Variants in PAX5 observed in about 807,000 individuals in gnomAD.
The protein encoded by PAX5 is paired box protein Pax-5.
A neutral mutation model predicts 43.7 loss-of-function variants in PAX5; 9 were observed. The observed-to-expected ratio is 0.21, with a 90% confidence interval of 0.12 to 0.36. The LOEUF is 0.36. PAX5 is among the 10% of genes least tolerant of loss of function. The pLI is 1.00. For synonymous variants in PAX5, 228 were observed against 214.3 expected (o/e 1.06, Z -0.56); for missense variants, 383 against 532.7 (o/e 0.72, Z 2.77).
At chr9:36,978,710 A>G (rs1835658455) in intron 5 of PAX5, among the ~76,000 whole-genome samples, 1 of 152,186 alleles carries the variant, frequency 6.6e-6, no homozygotes, top group Non-Finnish European at 1.5e-5. Flanking sequence ...CAAGATGGGT[A>G]TGGGTTTTGT....
At chr9:37,000,833 A>G (rs1480343080) in intron 5 of PAX5, among the ~76,000 whole-genome samples, 1 of 152,244 alleles carries the variant, frequency 6.6e-6, no homozygotes, top group Non-Finnish European at 1.5e-5. Context: ...CTTTAAGGCC[A>G]TGCAATGAGA....
At chr9:36,858,864 G>A (rs575628398) in intron 8 of PAX5, among the ~76,000 whole-genome samples, 4 of 152,180 alleles carry the variant, frequency 2.6e-5, no homozygotes, top group Admixed American at 6.5e-5. Flanking sequence ...TGGGCTCAGC[G>A]CTGAGGCCTG....
chr9:37,030,154 C>G (rs1197975542), intron 1 of PAX5, among the ~76,000 whole-genome samples: 2 of 152,214 alleles, frequency 1.3e-5, no homozygotes, highest in East Asian at 3.9e-4. Context: ...GTGGCACACA[C>G]AGGACCCGTC....
intron 3 of PAX5, among the ~76,000 whole-genome samples, chr9:37,014,359 C>T (rs1839213674): frequency 6.6e-6 from 1 of 152,168 alleles, no homozygotes; most frequent in African/African-American, 2.4e-5. Flanking sequence ...GAGAGGGCAA[C>T]TCCTTTGCTC....
chr9:37,009,701 A>T (rs1304285988), intron 3 of PAX5, among the ~76,000 whole-genome samples: 1 of 152,228 alleles, frequency 6.6e-6, no homozygotes, highest in East Asian at 1.9e-4. Flanking sequence ...TGTTTGTAAC[A>T]CAAAGAATAA....
chr9:36,999,939 C>T (rs1480663268), intron 5 of PAX5, among the ~76,000 whole-genome samples: 1 of 152,096 alleles, frequency 6.6e-6, no homozygotes, highest in Non-Finnish European at 1.5e-5. Flanking sequence ...GACTGCTCCG[C>T]CTCCAAAGCG....
chr9:36,862,881 A>T (rs1824359122), intron 8 of PAX5, among the ~76,000 whole-genome samples: 1 of 152,210 alleles, frequency 6.6e-6, no homozygotes, highest in South Asian at 2.1e-4. Context: ...TCTGAAGGTT[A>T]AAAAGGCCCA....
At chr9:36,979,049 C>T (rs1835690714) in intron 5 of PAX5, among the ~76,000 whole-genome samples, 1 of 152,220 alleles carries the variant, frequency 6.6e-6, no homozygotes, top group Non-Finnish European at 1.5e-5. Context: ...TCACTGTCCA[C>T]TGTCTCTGAT....
intron 1 of PAX5, among the ~76,000 whole-genome samples, chr9:37,030,439 C>T (rs1024096595): frequency 6.6e-6 from 1 of 152,198 alleles, no homozygotes; most frequent in Non-Finnish European, 1.5e-5. Context: ...TGTCTCTGAA[C>T]GCCCACGAGC....
chr9:36,926,047 A>G (rs745557813), intron 6 of PAX5, among the ~76,000 whole-genome samples: 1 of 152,198 alleles, frequency 6.6e-6, no homozygotes. Flanking sequence ...TAATCCTCAC[A>G]GTCACCCCTT....
At chr9:37,013,279 C>T (rs1839105602) in intron 3 of PAX5, among the ~76,000 whole-genome samples, 1 of 152,158 alleles carries the variant, frequency 6.6e-6, no homozygotes, top group South Asian at 2.1e-4. Flanking sequence ...TGCTGCCTAG[C>T]TTGCCAGGGA....
At chr9:36,925,418 C>T (rs1172566987) in intron 6 of PAX5, among the ~76,000 whole-genome samples, 1 of 152,058 alleles carries the variant, frequency 6.6e-6, no homozygotes, top group Non-Finnish European at 1.5e-5. Flanking sequence ...TACAGAGCTA[C>T]AGTAATTAAG....
chr9:36,874,168 C>T (rs551110772), intron 8 of PAX5, among the ~76,000 whole-genome samples: 3 of 152,328 alleles, frequency 2.0e-5, no homozygotes, highest in African/African-American at 7.2e-5. Context: ...CGTAACTACA[C>T]AACCATCGTT....
At chr9:36,994,696 G>A (rs909955302) in intron 5 of PAX5, among the ~76,000 whole-genome samples, 2 of 152,178 alleles carry the variant, frequency 1.3e-5, no homozygotes, top group South Asian at 2.1e-4. Context: ...ATGAGAACTC[G>A]GGCCCAGCAG....
intron 7 of PAX5, among the ~76,000 whole-genome samples, chr9:36,891,939 T>C (rs1331362331): frequency 6.6e-6 from 1 of 152,206 alleles, no homozygotes; most frequent in Non-Finnish European, 1.5e-5. Context: ...CCCACCTCCC[T>C]GGAATCTCTG....
intron 8 of PAX5, among the ~76,000 whole-genome samples, chr9:36,876,476 G>A (rs576337172): frequency 5.3e-5 from 8 of 152,270 alleles, no homozygotes; most frequent in Admixed American, 2.6e-4. Context: ...AAGCCAAAGG[G>A]CAATGAACTC....
At chr9:36,969,667 G>A (rs965752143) in intron 5 of PAX5, among the ~76,000 whole-genome samples, 6 of 152,234 alleles carry the variant, frequency 3.9e-5, no homozygotes, top group Non-Finnish European at 1.5e-5. Flanking sequence ...GTCAGCCATA[G>A]CCTCTGCCAG....
chr9:36,968,995 C>T lies in PAX5; in HGVS notation c.605-2271G>A, dbSNP rs549063251. ...TTTCCTACTCAGCTGTGGCTCTGCC[C>T]AGTCATCCTGGTCCCAGTCACTCTT... On this transcript the variant is annotated intron_variant, in intron 5 of 9. Coordinates refer to ENST00000358127, the MANE Select transcript of PAX5 (RefSeq NM_016734.3). 4.6e-5 allele frequency among the ~76,000 whole-genome samples: 7 copies of T among 152,308 alleles called. No individual in the cohort carries two copies. The South Asian group carries it at 1.2e-3, about 27-fold the overall frequency.
Position 37,002,780 on chromosome 9 carries a change from C to T in PAX5, c.476-4G>A, listed in dbSNP as rs369031252. ...TGCGTCACGGAGCCAGTGGACACTGCGCGGAGAAAGACGGGCGGTCAGGGC... is the reference window on the plus strand; with the variant it reads ...TGCGTCACGGAGCCAGTGGACACTGTGCGGAGAAAGACGGGCGGTCAGGGC... On this transcript the variant is annotated splice_region_variant and splice_polypyrimidine_tract_variant and intron_variant, in intron 4 of 9. Coordinates refer to ENST00000358127, the MANE Select transcript of PAX5 (RefSeq NM_016734.3). 45 of 1,606,284 alleles carry T rather than the reference C, an allele frequency of 2.8e-5. No homozygotes were observed. In the African/African-American group the frequency reaches 4.9e-4, roughly 18 times the overall value.
Sources: allele counts gnomAD v4.1 joint callset (sites outside exome capture counted in the v4.1 genomes callset), GRCh38; gene constraint gnomAD v4.1.1; transcripts MANE v1.5; gene names NCBI Gene and HGNC (gene_info 2026-07-23, HGNC 2026-07-21).